The following PRKAG2 variants were observed in gnomAD, a reference collection of about 807,000 sequenced individuals.
PRKAG2 encodes protein kinase AMP-activated non-catalytic subunit gamma 2.
PRKAG2 carries 26 observed loss-of-function variants against 69.6 expected under a neutral mutation model. That is an observed-to-expected ratio of 0.37 (90% CI 0.27 to 0.52). PRKAG2 has a LOEUF of 0.52. Among genes scored for constraint, PRKAG2 ranks in the 20% least tolerant of loss-of-function variants. The pLI is 0.90. For synonymous variants in PRKAG2, 293 were observed against 285.0 expected (o/e 1.03, Z -0.28); for missense variants, 557 against 740.0 (o/e 0.75, Z 2.87).
intron 3 of PRKAG2, among the ~76,000 whole-genome samples, chr7:151,772,553 C>T (rs530694564): frequency 1.3e-5 from 2 of 152,360 alleles, no homozygotes; most frequent in Admixed American, 1.3e-4. Flanking sequence ...GCAAGAAAGG[C>T]TGTGGATATT....
chr7:151,670,108 C>G (rs1346386379), intron 4 of PRKAG2, among the ~76,000 whole-genome samples: 1 of 140,178 alleles, frequency 7.1e-6, no homozygotes, highest in South Asian at 2.4e-4. Flanking sequence ...GCACATACAC[C>G]TGCATGCACA....
chr7:151,685,130 T>C (rs78759229), intron 3 of PRKAG2, among the ~76,000 whole-genome samples: 3,368 of 152,254 alleles, frequency 0.022, 68 homozygotes, highest in Non-Finnish European at 0.035. Flanking sequence ...ATTTCTTCTC[T>C]TTCCCCCCAG....
At chr7:151,831,605 A>G (rs2079026892) in intron 1 of PRKAG2, among the ~76,000 whole-genome samples, 1 of 152,208 alleles carries the variant, frequency 6.6e-6, no homozygotes, top group Non-Finnish European at 1.5e-5. Flanking sequence ...CAATCCTTAC[A>G]GCAGGTTTAG....
rs889506171 is a variant in PRKAG2, at chr7:151,614,186, G to A, written c.754+17883C>T. Among the ~76,000 whole-genome samples the A allele has an allele frequency of 2.6e-5, 4 of 152,140 alleles. No homozygotes were observed. Among genetic ancestry groups the A allele is most frequent in the Admixed American group, 1.3e-4 (2 of 15,280 alleles). On this transcript the variant is annotated intron_variant, in intron 5 of 15. Transcript: ENST00000287878. The surrounding 1 kb of genome is among the most constrained non-coding windows in gnomAD (Gnocchi z 4.4). Reference sequence around the variant, plus strand: ...AACACGGCCTGTCAGGGGAGGTGACGCTGTCTCCAGCTGTGTCTTGAAGGC... The same window carrying A: ...AACACGGCCTGTCAGGGGAGGTGACACTGTCTCCAGCTGTGTCTTGAAGGC...
intron 3 of PRKAG2, among the ~76,000 whole-genome samples, chr7:151,689,135 A>G (rs910103914): frequency 6.6e-6 from 1 of 152,214 alleles, no homozygotes; most frequent in Admixed American, 6.5e-5. Flanking sequence ...AATCTGTAAT[A>G]GTACCTGGAG....
chr7:151,749,678 A>C (rs2074533810), intron 3 of PRKAG2, among the ~76,000 whole-genome samples: 1 of 152,144 alleles, frequency 6.6e-6, no homozygotes, highest in African/African-American at 2.4e-5. Context: ...CCCAAAGAAG[A>C]CACACAGGTG....
intron 11 of PRKAG2, among the ~76,000 whole-genome samples, chr7:151,566,787 G>A (rs1199352677): frequency 6.6e-6 from 1 of 151,942 alleles, no homozygotes; most frequent in Non-Finnish European, 1.5e-5. Flanking sequence ...CACACTATAG[G>A]CTTAGGCTAA....
intron 4 of PRKAG2, among the ~76,000 whole-genome samples, chr7:151,650,316 T>A (rs916741378): frequency 1.4e-4 from 20 of 145,224 alleles, no homozygotes; most frequent in African/African-American, 4.6e-4. Flanking sequence ...AAAAAAAAAA[T>A]TTAGAAGAAA....
At chr7:151,681,345 C>A (rs774768756) in intron 3 of PRKAG2, among the ~76,000 whole-genome samples, 2 of 152,206 alleles carry the variant, frequency 1.3e-5, no homozygotes, top group African/African-American at 2.4e-5. Context: ...CTTCCTGTTC[C>A]TTCCAGAGCT....
chr7:151,874,048 GTATGTA>G (rs772920308), intron 1 of PRKAG2, among the ~76,000 whole-genome samples: 48 of 130,922 alleles, frequency 3.7e-4, no homozygotes, highest in Admixed American at 6.2e-4. Context: ...TGATGTATAT[GTATGTA>G]TATGTATATG....
chr7:151,654,497 G>C (rs926474036), intron 4 of PRKAG2, among the ~76,000 whole-genome samples: 6 of 152,148 alleles, frequency 3.9e-5, no homozygotes, highest in African/African-American at 1.4e-4. Context: ...AATATTCAAG[G>C]TTTCAACTTA....
At chr7:151,739,827 G>A (rs956094174) in intron 3 of PRKAG2, among the ~76,000 whole-genome samples, 2 of 152,034 alleles carry the variant, frequency 1.3e-5, no homozygotes, top group African/African-American at 2.4e-5. Flanking sequence ...TCCTAAGCCC[G>A]TGGTTTTCAG....
intron 3 of PRKAG2, among the ~76,000 whole-genome samples, chr7:151,739,464 T>C (rs963848570): frequency 6.6e-6 from 1 of 151,146 alleles, no homozygotes; most frequent in Non-Finnish European, 1.5e-5. Flanking sequence ...ATTTATTTAT[T>C]TATTTATCTA....
At chr7:151,795,870 T>C (rs940863810) in intron 1 of PRKAG2, among the ~76,000 whole-genome samples, 11 of 111,008 alleles carry the variant, frequency 9.9e-5, no homozygotes, top group African/African-American at 3.5e-4. Flanking sequence ...TATATATATA[T>C]ATATATATAT....
At chr7:151,571,982 A>C (rs1194201162) in intron 9 of PRKAG2, among the ~76,000 whole-genome samples, 1 of 152,228 alleles carries the variant, frequency 6.6e-6, no homozygotes, top group Non-Finnish European at 1.5e-5. Context: ...TGTTGCAGAC[A>C]GACTGGGTCT....
At chr7:151,826,304 C>A (rs551565100) in intron 1 of PRKAG2, among the ~76,000 whole-genome samples, 1 of 152,232 alleles carries the variant, frequency 6.6e-6, no homozygotes, top group African/African-American at 2.4e-5. Flanking sequence ...CCTCAGCCTC[C>A]CGAGTAGCTG....
Position 151,823,124 on chromosome 7 carries a change from C to T in PRKAG2, c.115-36583G>A, listed in dbSNP as rs576826406. Among the ~76,000 whole-genome samples, 330 of 151,516 alleles carry T rather than the reference C, an allele frequency of 2.2e-3. 1 individual carries two copies. The highest frequency in any genetic ancestry group is 3.4e-3 in the Middle Eastern group (1 of 294). On this transcript the variant is annotated intron_variant, in intron 1 of 15. Transcript: ENST00000287878. ...ACAGCAGCAGGGGCCAGGCCACAGC[C>T]GGACTCTGCCAGGCGTGGCCCCTCT...
At chr7:151,760,085 T>TA (rs1563612450) in intron 3 of PRKAG2, among the ~76,000 whole-genome samples, 1 of 152,102 alleles carries the variant, frequency 6.6e-6, no homozygotes, top group Admixed American at 6.5e-5. Flanking sequence ...TTTCTTTTTT[T>TA]AAAAAAGGAA....
Position 151,557,141 on chromosome 7 carries a change from A to G in PRKAG2, c.*60T>C. The stretch of plus-strand genomic sequence containing the variant: ...CACTTGCAGCCAGTGTTCATGAGGC[A>G]AAACGTGACCCAGAGACTTTGTTCA... On this transcript the variant is annotated 3_prime_UTR_variant, in exon 16 of 16. Coordinates refer to ENST00000287878, the MANE Select transcript of PRKAG2 (RefSeq NM_016203.4). 6.2e-7 allele frequency: 1 copy of G among 1,613,726 alleles called. No homozygotes were observed. Among genetic ancestry groups the G allele is most frequent in the South Asian group, 1.1e-5 (1 of 91,078 alleles).
Sources: allele counts gnomAD v4.1 joint callset (sites outside exome capture counted in the v4.1 genomes callset), GRCh38; gene constraint gnomAD v4.1.1; non-coding constraint Gnocchi (gnomAD v3.1); transcripts MANE v1.5; gene names NCBI Gene and HGNC (gene_info 2026-07-23, HGNC 2026-07-21).